Variants in PWWP3A observed in about 807,000 individuals in gnomAD.
PWWP3A encodes the protein PWWP domain-containing DNA repair factor 3A.
A neutral mutation model predicts 79.0 loss-of-function variants in PWWP3A; 53 were observed. The ratio of observed to expected loss-of-function variants is 0.67; its 90% CI spans 0.54 to 0.84. PWWP3A has a LOEUF of 0.84. PWWP3A is among the 40% of genes least tolerant of loss of function. The probability of loss-of-function intolerance (pLI) is 0.00; values close to 1 mark genes in which losing one functional copy is unlikely to be tolerated. For missense variants in PWWP3A, 973 were observed against 948.0 expected (o/e 1.03, Z -0.35); for synonymous variants, 443 against 394.4 (o/e 1.12, Z -1.46).
intron 6 of PWWP3A, chr19:1,364,299 A>C (rs1380072862): frequency 2.9e-6 from 2 of 688,376 alleles, no homozygotes; most frequent in East Asian, 5.5e-5. Context: ...TGCTGGTTTC[A>C]CTGTCTCATC....
rs1024286461 is a variant in PWWP3A at position 1,365,780 on chromosome 19, C to A, written c.1285-525C>A. ...TTCCTGGGGCATAAGAGCAGGCAGC[C>A]TCCCTGAGAGCGCAGGGCGGAAGGG... On this transcript the variant is annotated intron_variant, in intron 7 of 13. Transcript: ENST00000591337. Among the ~76,000 whole-genome samples the A allele has an allele frequency of 3.9e-5, 6 of 152,370 alleles. No individual in the cohort carries two copies. The East Asian group carries it at 1.2e-3, about 29-fold the overall frequency.
chr19:1,361,649 ACTT>A (rs1361606611), intron 5 of PWWP3A, among the ~76,000 whole-genome samples: 1 of 152,176 alleles, frequency 6.6e-6, no homozygotes, highest in Non-Finnish European at 1.5e-5. Flanking sequence ...TGTACTCTGA[ACTT>A]CTTTCCTGAG....
At chr19:1,367,080 C>G in intron 8 of PWWP3A, 80 bp from the exon 9 acceptor site, 2 of 1,201,698 alleles carry the variant, frequency 1.7e-6, no homozygotes. Flanking sequence ...CTCCACTGAT[C>G]TTAATCAGAG....
Position 1,369,783 on chromosome 19 carries a change from CT to C in PWWP3A, c.1549+138del. 9.7e-7 allele frequency: 1 copy of C among 1,030,044 alleles called. No homozygotes were observed. The highest frequency in any genetic ancestry group is 1.5e-6 in the Non-Finnish European group (1 of 660,244). 63.8% of individuals were successfully genotyped at this position (1,030,044 alleles called of 1,614,324 possible). On this transcript the variant is annotated intron_variant, in intron 11 of 13. Coordinates refer to ENST00000591337, the MANE Select transcript of PWWP3A (RefSeq NM_001369789.1). This position sits in a 1 kb window ranked among gnomAD's most constrained non-coding sequence, Gnocchi z 4.0. ...GCAGCCACACAGCATTGTTCAACCT[CT>C]ATGAGGTTTTGATGTGACCCTGAGG...
At chr19:1,373,243 C>T (rs2082300154) in intron 13 of PWWP3A, 83 bp downstream of exon 13, 1 of 1,255,460 alleles carries the variant, frequency 8.0e-7, no homozygotes, top group Non-Finnish European at 1.1e-6. Flanking sequence ...CAGTTTGACT[C>T]CAGGCTGCCG....
In PWWP3A at chr19:1,361,030, A is replaced by G; in HGVS notation, c.1109A>G (p.Lys370Arg). The change falls in exon 5 of 14, where the codon AAA becomes AGA. Residue 370 changes from lysine (K) to arginine (R), a missense_variant and splice_region_variant. Lys to Arg is a conservative substitution (Grantham distance 26). Coordinates refer to ENST00000591337, the MANE Select transcript of PWWP3A (RefSeq NM_001369789.1). ...TGCCCGGATTCCCAGAAGCTGGAGAAAGGTAAAAGTTTCTCGTGGAGGAGG... is the reference window on the plus strand; with the variant it reads ...TGCCCGGATTCCCAGAAGCTGGAGAGAGGTAAAAGTTTCTCGTGGAGGAGG... ...LPCPDSQKLE[K>R]ECQSSEESMG... 1.4e-6 allele frequency: 2 copies of G among 1,426,938 alleles called. No homozygotes were observed. Among genetic ancestry groups the G allele is most frequent in the Non-Finnish European group, 9.2e-7 (1 of 1,088,050 alleles). The allele number at this position is 1,426,938 out of a possible 1,614,324, so 88.4% of individuals were successfully genotyped here.
chr19:1,369,510 C>A lies in PWWP3A; in HGVS notation c.1499-86C>A. On this transcript the variant is annotated intron_variant, in intron 10 of 13. Coordinates refer to ENST00000591337, the MANE Select transcript of PWWP3A (RefSeq NM_001369789.1). The surrounding 1 kb of genome is among the most constrained non-coding windows in gnomAD (Gnocchi z 4.0). ...TGGCCTGGCCTGATTATTTCCTAAA[C>A]AGAGACGCCGGGCCAGCCCCTGGAA... is the stretch of plus-strand genomic sequence containing the variant. The A allele has an allele frequency of 6.4e-7, 1 of 1,553,586 alleles. No homozygotes were observed. Among genetic ancestry groups the A allele is most frequent in the Non-Finnish European group, 8.9e-7 (1 of 1,126,188 alleles).
chr19:1,367,453 G>A lies in PWWP3A; in HGVS notation c.1422+233G>A, dbSNP rs137903698. Among the ~76,000 whole-genome samples the A allele has an allele frequency of 1.1e-3, 161 of 152,316 alleles. 4 individuals carry two copies. The East Asian group carries it at 0.018, about 17-fold the overall frequency. On this transcript the variant is annotated intron_variant, in intron 9 of 13. Transcript: ENST00000591337. ...TTGCGGCCCCATTTCCCCGCTTTACGGGTAAGGAAGCTGGGGCTCCGGCGA... is the reference window on the plus strand; with the variant it reads ...TTGCGGCCCCATTTCCCCGCTTTACAGGTAAGGAAGCTGGGGCTCCGGCGA...
At chr19:1,375,252 A>G (rs2082340567) in intron 13 of PWWP3A, among the ~76,000 whole-genome samples, 1 of 150,474 alleles carries the variant, frequency 6.6e-6, no homozygotes, top group Admixed American at 6.7e-5. Flanking sequence ...CACATCCTGT[A>G]AAAGTTACCA....
At chr19:1,371,282 C>T (rs1488815462) in intron 12 of PWWP3A, 8 of 733,176 alleles carry the variant, frequency 1.1e-5, no homozygotes, top group South Asian at 1.0e-4. Context: ...GAGACGGAGC[C>T]GCTTACTTGA....
chr19:1,361,293 G>T, intron 5 of PWWP3A, among the ~76,000 whole-genome samples: 1 of 152,308 alleles, frequency 6.6e-6, no homozygotes, highest in African/African-American at 2.4e-5. Context: ...GTAGAGGGGC[G>T]GCGGGCCACG....
chr19:1,359,283 G>T (rs532862021), intron 4 of PWWP3A: 4 of 152,904 alleles, frequency 2.6e-5, no homozygotes, highest in African/African-American at 9.7e-5. Context: ...TTCCAATGAT[G>T]TTTATAAAAT....
Position 1,360,017 on chromosome 19 carries a change from A to G in PWWP3A, c.215-119A>G, listed in dbSNP as rs914611791. ...GTGAGAAATGTTAGTCCTCCCCTTC[A>G]GTGATTTAGGTATGAAACTAGCCGT... is the stretch of plus-strand genomic sequence containing the variant. On this transcript the variant is annotated intron_variant, in intron 4 of 13. Transcript: ENST00000591337. This position sits in a 1 kb window ranked among gnomAD's most constrained non-coding sequence, Gnocchi z 4.4. 9.1e-6 allele frequency: 9 copies of G among 994,196 alleles called. No individual in the cohort carries two copies. The highest frequency in any genetic ancestry group is 1.2e-5 in the Non-Finnish European group (9 of 722,702). The allele number at this position is 994,196 out of a possible 1,614,324, so 61.6% of individuals were successfully genotyped here. A position where few individuals can be genotyped will look rare whatever the true frequency, so the allele number is the denominator to read the frequency against.
chr19:1,358,352 G>A (rs749087264), intron 3 of PWWP3A, 42 bp from the exon 4 acceptor site: 12 of 1,518,408 alleles, frequency 7.9e-6, no homozygotes, highest in South Asian at 5.8e-5. Context: ...ATGTCTTGGC[G>A]GCGTTGGCTG....
At chr19:1,366,855 G>A (rs931368855) in intron 8 of PWWP3A, among the ~76,000 whole-genome samples, 2 of 152,242 alleles carry the variant, frequency 1.3e-5, no homozygotes, top group Non-Finnish European at 2.9e-5. Context: ...CAAGTCGAAC[G>A]CGCAGAACCG....
At position 1,376,513 on chromosome 19, in the gene PWWP3A, C is replaced by T. The variant is rs1316104350; in HGVS notation, c.2076-6C>T. The T allele has an allele frequency of 1.9e-6, 3 of 1,613,010 alleles. No individual in the cohort carries two copies. Among genetic ancestry groups the T allele is most frequent in the Admixed American group, 1.7e-5 (1 of 59,934 alleles). On this transcript the variant is annotated splice_polypyrimidine_tract_variant and splice_region_variant and intron_variant, in intron 13 of 13. Coordinates refer to ENST00000591337, the MANE Select transcript of PWWP3A (RefSeq NM_001369789.1). ...TTACTAAAATGAAGACTCTTGTTTTCTGAAGGGAAAAAGAAATATTTGACA... is the reference window on the plus strand; with the variant it reads ...TTACTAAAATGAAGACTCTTGTTTTTTGAAGGGAAAAAGAAATATTTGACA...
In PWWP3A at chr19:1,364,195, A is replaced by T. The variant is rs370985767; in HGVS notation, c.1214-314A>T. ...TTAGAGTTAGGAAAGTCGCGCACAC[A>T]TAGGACAGAGCCCCAGCCGCCCCTC... On this transcript the variant is annotated intron_variant, in intron 6 of 13. Transcript: ENST00000591337. The T allele has an allele frequency of 7.1e-6, 4 of 564,036 alleles. No individual in the cohort carries two copies. The African/African-American group carries it at 7.4e-5, about 10-fold the overall frequency. The allele number at this position is 564,036 out of a possible 1,614,324, so 34.9% of individuals were successfully genotyped here.
At chr19:1,371,309 G>A (rs547730217) in intron 12 of PWWP3A, 4 of 712,030 alleles carry the variant, frequency 5.6e-6, no homozygotes, top group African/African-American at 3.5e-5. Flanking sequence ...TGCAGAGATG[G>A]AGCTGCTTAG....
In PWWP3A at chr19:1,377,285, C is replaced by T. The variant is rs1310053785; in HGVS notation, c.*709C>T. On this transcript the variant is annotated 3_prime_UTR_variant, in exon 14 of 14. Transcript: ENST00000591337. ...GGCCAGACCGCCTCCACCTCCCCCGCCCGCCTGGCCTGTCCTGAGTGCATT... is the reference window on the plus strand; with the variant it reads ...GGCCAGACCGCCTCCACCTCCCCCGTCCGCCTGGCCTGTCCTGAGTGCATT... 2 of 152,778 alleles carry T rather than the reference C, an allele frequency of 1.3e-5. No homozygotes were observed. The highest frequency in any genetic ancestry group is 2.9e-5 in the Non-Finnish European group (2 of 68,538). The allele number at this position is 152,778 out of a possible 1,614,324, so 9.5% of individuals were successfully genotyped here. A position where few individuals can be genotyped will look rare whatever the true frequency, so the allele number is the denominator to read the frequency against.
Sources: gnomAD v4.1 joint callset for allele counts (sites outside exome capture counted in the v4.1 genomes callset) on GRCh38, gnomAD v4.1.1 for gene constraint, Gnocchi (gnomAD v3.1) non-coding constraint, MANE v1.5 for transcripts, NCBI Gene and HGNC (gene_info 2026-07-23, HGNC 2026-07-21) for gene names.